PKNOX2: variants seen among roughly 807,000 people sequenced by gnomAD.
PKNOX2 encodes homeobox protein PKNOX2.
PKNOX2 carries 14 observed loss-of-function variants against 53.1 expected under a neutral mutation model. The observed-to-expected ratio is 0.26, with a 90% CI of 0.17 to 0.41. The LOEUF (loss-of-function observed/expected upper bound fraction) is 0.41, where lower values mean the gene tolerates loss of function less well. PKNOX2 is among the 10% of genes least tolerant of loss of function. PKNOX2 has a pLI of 1.00. For synonymous variants in PKNOX2, 257 were observed against 242.8 expected (o/e 1.06, Z -0.54); for missense variants, 496 against 602.8 (o/e 0.82, Z 1.85).
At chr11:125,228,425 G>A (rs1941909957) in intron 1 of PKNOX2, among the ~76,000 whole-genome samples, 1 of 152,210 alleles carries the variant, frequency 6.6e-6, no homozygotes, top group South Asian at 2.1e-4. Context: ...CTGGCACATA[G>A]TAAGCACTCA....
At chr11:125,200,212 C>T (rs1938281885) in intron 1 of PKNOX2, among the ~76,000 whole-genome samples, 1 of 152,212 alleles carries the variant, frequency 6.6e-6, no homozygotes, top group Non-Finnish European at 1.5e-5. Flanking sequence ...TCCATGGTCA[C>T]AGCCATTAGT....
At chr11:125,382,586 A>G (rs989831580) in intron 5 of PKNOX2, among the ~76,000 whole-genome samples, 1 of 152,200 alleles carries the variant, frequency 6.6e-6, no homozygotes, top group Non-Finnish European at 1.5e-5. Context: ...ATAAGGCGCA[A>G]TAATTCATAA....
intron 1 of PKNOX2, among the ~76,000 whole-genome samples, chr11:125,197,228 T>C (rs1454629917): frequency 6.6e-6 from 1 of 152,204 alleles, no homozygotes; most frequent in Non-Finnish European, 1.5e-5. Flanking sequence ...TGTAATTCAT[T>C]GCATCTGAGA....
Position 125,166,780 on chromosome 11 carries a change from G to C in PKNOX2, c.-201+2004G>C, listed in dbSNP as rs1042825442. ...ACAAACCCGGCCTTTGGTGCGCCCGGGGGAGGAGGAAGCTTGGAGTGCCCT... is the reference window on the plus strand; with the variant it reads ...ACAAACCCGGCCTTTGGTGCGCCCGCGGGAGGAGGAAGCTTGGAGTGCCCT... On this transcript the variant is annotated intron_variant, in intron 1 of 12. Transcript: ENST00000298282. The surrounding 1 kb of genome is among the most constrained non-coding windows in gnomAD (Gnocchi z 4.0). Among the ~76,000 whole-genome samples, 2 of 152,220 alleles carry C rather than the reference G, an allele frequency of 1.3e-5. No individual in the cohort carries two copies. The highest frequency in any genetic ancestry group is 2.9e-5 in the Non-Finnish European group (2 of 68,034).
chr11:125,336,401 T>A (rs1038009426), intron 3 of PKNOX2, among the ~76,000 whole-genome samples: 1 of 151,886 alleles, frequency 6.6e-6, no homozygotes, highest in Non-Finnish European at 1.5e-5. Context: ...TTAGCACACA[T>A]CCTTCCCCTC....
chr11:125,403,524 A>G (rs1426664855), intron 7 of PKNOX2, among the ~76,000 whole-genome samples: 1 of 152,188 alleles, frequency 6.6e-6, no homozygotes, highest in Non-Finnish European at 1.5e-5. Flanking sequence ...ACAGGCTGCA[A>G]GGTACACATG....
chr11:125,171,019 G>A (rs757479601), intron 1 of PKNOX2, among the ~76,000 whole-genome samples: 41 of 65,492 alleles, frequency 6.3e-4, no homozygotes, highest in Non-Finnish European at 1.3e-3. Context: ...GCCAGAAAGC[G>A]GCCACAGAAG....
intron 2 of PKNOX2, among the ~76,000 whole-genome samples, chr11:125,299,838 G>A (rs1008658054): frequency 3.3e-5 from 5 of 152,130 alleles, no homozygotes; most frequent in African/African-American, 4.8e-5. Flanking sequence ...AGCCAGAAGC[G>A]ACCGTGGGGC....
At chr11:125,250,086 A>C (rs977551541) in intron 2 of PKNOX2, among the ~76,000 whole-genome samples, 1 of 151,074 alleles carries the variant, frequency 6.6e-6, no homozygotes, top group Non-Finnish European at 1.5e-5. Flanking sequence ...AAAAAAAAAA[A>C]AAAAACAATT....
At chr11:125,304,032 T>C (rs73021980) in intron 2 of PKNOX2, among the ~76,000 whole-genome samples, 1 of 152,348 alleles carries the variant, frequency 6.6e-6, no homozygotes, top group Non-Finnish European at 1.5e-5. Flanking sequence ...AGGGATGTTG[T>C]TGGGATCTGG....
In PKNOX2 at chr11:125,344,764, G is replaced by A. The variant is rs79828356; in HGVS notation, c.-22-6520G>A. 6.9e-3 allele frequency among the ~76,000 whole-genome samples: 1,046 copies of A among 152,328 alleles called. 14 individuals are homozygous for A. Among genetic ancestry groups the A allele is most frequent in the African/African-American group, 0.023 (954 of 41,560 alleles). ...GACCCGGAGGGGCAGTAGGGAAGCA[G>A]GTGTTCTGGCTGTGACATTCTGCAA... On this transcript the variant is annotated intron_variant, in intron 3 of 12. Coordinates refer to ENST00000298282, the MANE Select transcript of PKNOX2 (RefSeq NM_001382323.2).
chr11:125,310,773 A>T (rs540174850), intron 2 of PKNOX2, among the ~76,000 whole-genome samples: 59 of 152,226 alleles, frequency 3.9e-4, no homozygotes, highest in Middle Eastern at 3.4e-3. Context: ...TAAAGCTATG[A>T]GATGCTAGTT....
chr11:125,292,489 G>A (rs1028417367), intron 2 of PKNOX2, among the ~76,000 whole-genome samples: 2 of 152,108 alleles, frequency 1.3e-5, no homozygotes, highest in Non-Finnish European at 2.9e-5. Flanking sequence ...GTCCAGGTTC[G>A]GGGAATTCTT....
chr11:125,336,530 T>C (rs1419311178), intron 3 of PKNOX2, among the ~76,000 whole-genome samples: 6 of 148,824 alleles, frequency 4.0e-5, no homozygotes, highest in African/African-American at 1.5e-4. Flanking sequence ...ATCCTATATA[T>C]TAATATAAGT....
intron 1 of PKNOX2, among the ~76,000 whole-genome samples, chr11:125,167,123 G>T (rs1954936230): frequency 6.6e-6 from 1 of 151,378 alleles, no homozygotes. Flanking sequence ...GCTGTGGGGT[G>T]TGGGGTGGGA....
At chr11:125,403,867 T>G (rs1290656897) in intron 7 of PKNOX2, among the ~76,000 whole-genome samples, 1 of 152,204 alleles carries the variant, frequency 6.6e-6, no homozygotes, top group African/African-American at 2.4e-5. Flanking sequence ...TCTGAGATGC[T>G]AGGCCCAGCT....
Position 125,166,742 on chromosome 11 carries a change from G to T in PKNOX2, c.-201+1966G>T, listed in dbSNP as rs1011190714. 6.6e-6 allele frequency among the ~76,000 whole-genome samples: 1 copy of T among 152,216 alleles called. No individual in the cohort carries two copies. The highest frequency in any genetic ancestry group is 2.4e-5 in the African/African-American group (1 of 41,462). ...CCGCTTCCTGTGCTTACCCGCGCCG[G>T]ACTGAGAAGCCCACAAACCCGGCCT... On this transcript the variant is annotated intron_variant, in intron 1 of 12. Transcript: ENST00000298282. This position sits in a 1 kb window ranked among gnomAD's most constrained non-coding sequence, Gnocchi z 4.0.
intron 2 of PKNOX2, among the ~76,000 whole-genome samples, chr11:125,239,319 G>T (rs1412382486): frequency 2.0e-5 from 3 of 152,196 alleles, no homozygotes; most frequent in Non-Finnish European, 4.4e-5. Context: ...ATCCTGGCTG[G>T]CTGTCCAAGG....
chr11:125,401,554 C>T lies in PKNOX2; in HGVS notation c.588+3492C>T, dbSNP rs78355082. On this transcript the variant is annotated intron_variant, in intron 7 of 12. Transcript: ENST00000298282. Reference sequence around the variant, plus strand: ...TCTCCTGCCTTCTCTGGCCATCCCTCGGCCCACTTGCACACTCACACGTCT... The same window carrying T: ...TCTCCTGCCTTCTCTGGCCATCCCTTGGCCCACTTGCACACTCACACGTCT... Among the ~76,000 whole-genome samples, 500 of 152,276 alleles carry T rather than the reference C, an allele frequency of 3.3e-3. 3 individuals carry two copies. The highest frequency in any genetic ancestry group is 0.011 in the African/African-American group (449 of 41,542).
Sources: gnomAD v4.1 joint callset for allele counts (sites outside exome capture counted in the v4.1 genomes callset) on GRCh38, gnomAD v4.1.1 for gene constraint, Gnocchi (gnomAD v3.1) non-coding constraint, MANE v1.5 for transcripts, NCBI Gene and HGNC (gene_info 2026-07-23, HGNC 2026-07-21) for gene names.